The following AUTS2 variants were observed in gnomAD, a reference collection of about 807,000 sequenced individuals.
AUTS2 encodes activator of transcription and developmental regulator AUTS2.
Under a neutral mutation model 112.4 loss-of-function variants are expected in AUTS2, and 17 were observed. The observed-to-expected ratio is 0.15, with a 90% CI of 0.10 to 0.23. The LOEUF (loss-of-function observed/expected upper bound fraction) is 0.23. AUTS2 is among the 10% of genes least tolerant of loss of function. AUTS2 has a pLI of 1.00. For synonymous variants in AUTS2, 751 were observed against 702.7 expected (o/e 1.07, Z -1.09); for missense variants, 1,510 against 1,701.6 (o/e 0.89, Z 1.98).
chr7:69,932,744 G>A (rs1185244333), intron 2 of AUTS2, among the ~76,000 whole-genome samples: 1 of 152,212 alleles, frequency 6.6e-6, no homozygotes, highest in East Asian at 1.9e-4. Context: ...TAAAATGAAT[G>A]AGTTAGAACA....
chr7:69,873,292 C>A (rs930549922), intron 1 of AUTS2, among the ~76,000 whole-genome samples: 2 of 152,074 alleles, frequency 1.3e-5, no homozygotes, highest in Non-Finnish European at 2.9e-5. Context: ...GGTAGCTCTG[C>A]AGCATAGGAG....
chr7:69,967,852 C>G (rs1797694450), intron 2 of AUTS2, among the ~76,000 whole-genome samples: 1 of 152,204 alleles, frequency 6.6e-6, no homozygotes, highest in Admixed American at 6.5e-5. Flanking sequence ...CCACCTCCCT[C>G]CAGTCTTGTC....
chr7:70,547,808 G>A (rs1800852137), intron 5 of AUTS2, among the ~76,000 whole-genome samples: 1 of 151,988 alleles, frequency 6.6e-6, no homozygotes, highest in South Asian at 2.1e-4. Flanking sequence ...CATTTCTCCT[G>A]GTAGATACCT....
At chr7:70,211,783 G>C (rs1037720894) in intron 4 of AUTS2, among the ~76,000 whole-genome samples, 1 of 150,962 alleles carries the variant, frequency 6.6e-6, no homozygotes, top group Non-Finnish European at 1.5e-5. Flanking sequence ...TCAGGAGATC[G>C]AGACCATCCT....
At chr7:70,461,360 C>T (rs749029807) in intron 5 of AUTS2, among the ~76,000 whole-genome samples, 2 of 152,130 alleles carry the variant, frequency 1.3e-5, no homozygotes, top group Non-Finnish European at 2.9e-5. Flanking sequence ...AATCTTTAAA[C>T]CATCCCTTCA....
rs534214846 is a variant in AUTS2 at position 70,736,071 on chromosome 7, T to C, written c.743-26799T>C. Among the ~76,000 whole-genome samples the C allele has an allele frequency of 3.9e-5, 6 of 152,164 alleles. No homozygotes were observed. The East Asian group carries it at 7.7e-4, about 20-fold the overall frequency. The stretch of plus-strand genomic sequence containing the variant: ...GTGTGTATAACTATAACAATTAGAA[T>C]ATCATAACACTGTTAATAGACCATA... On this transcript the variant is annotated intron_variant, in intron 6 of 18. Coordinates refer to ENST00000342771, the MANE Select transcript of AUTS2 (RefSeq NM_015570.4).
At chr7:70,302,000 A>G (rs1184741801) in intron 4 of AUTS2, among the ~76,000 whole-genome samples, 1 of 151,138 alleles carries the variant, frequency 6.6e-6, no homozygotes, top group Admixed American at 6.6e-5. Context: ...CTTATCTGGA[A>G]CTCCTGAGCT....
chr7:70,646,359 T>C (rs1806159686), intron 5 of AUTS2, among the ~76,000 whole-genome samples: 1 of 152,206 alleles, frequency 6.6e-6, no homozygotes, highest in South Asian at 2.1e-4. Flanking sequence ...TCTGCCTCCG[T>C]CATGTCAGGA....
intron 4 of AUTS2, among the ~76,000 whole-genome samples, chr7:70,270,435 C>T (rs575729925): frequency 6.6e-6 from 1 of 152,182 alleles, no homozygotes; most frequent in South Asian, 2.1e-4. Flanking sequence ...ATCCTGGGAC[C>T]TTCAAGTTGA....
intron 5 of AUTS2, among the ~76,000 whole-genome samples, chr7:70,634,426 C>G (rs1489876677): frequency 6.6e-6 from 1 of 152,174 alleles, no homozygotes; most frequent in Non-Finnish European, 1.5e-5. Context: ...CCTTTCATCC[C>G]CCATTTGCTG....
intron 5 of AUTS2, among the ~76,000 whole-genome samples, chr7:70,477,488 C>G (rs1184731511): frequency 6.6e-6 from 1 of 152,160 alleles, no homozygotes; most frequent in Non-Finnish European, 1.5e-5. Context: ...AGGTTAAACT[C>G]CCTAGAAGCT....
At chr7:70,005,520 C>G (rs1055463330) in intron 2 of AUTS2, among the ~76,000 whole-genome samples, 1 of 152,150 alleles carries the variant, frequency 6.6e-6, no homozygotes, top group Non-Finnish European at 1.5e-5. Context: ...TTGTGATAGA[C>G]CAACCTCTGA....
intron 4 of AUTS2, among the ~76,000 whole-genome samples, chr7:70,349,355 A>G (rs1017056708): frequency 2.6e-5 from 4 of 152,196 alleles, no homozygotes; most frequent in African/African-American, 9.7e-5. Flanking sequence ...TAAAACCAGG[A>G]TTTAGAGATT....
intron 1 of AUTS2, among the ~76,000 whole-genome samples, chr7:69,724,647 C>T (rs568776700): frequency 5.3e-5 from 8 of 152,272 alleles, no homozygotes; most frequent in East Asian, 3.9e-4. Flanking sequence ...AAGATTTGAT[C>T]GAATGTTACT....
intron 5 of AUTS2, among the ~76,000 whole-genome samples, chr7:70,602,910 T>C (rs1803548701): frequency 6.6e-6 from 1 of 152,216 alleles, no homozygotes; most frequent in African/African-American, 2.4e-5. Context: ...TTGATGTCCT[T>C]TGAGTCCTAT....
At chr7:70,192,052 G>T (rs908234970) in intron 4 of AUTS2, among the ~76,000 whole-genome samples, 6 of 151,934 alleles carry the variant, frequency 3.9e-5, no homozygotes, top group African/African-American at 1.4e-4. Context: ...CTAACTCCTT[G>T]TTTTACCTCT....
intron 4 of AUTS2, among the ~76,000 whole-genome samples, chr7:70,204,544 G>A (rs773961489): frequency 2.6e-5 from 4 of 152,118 alleles, no homozygotes; most frequent in Non-Finnish European, 5.9e-5. Flanking sequence ...GTGCTCTATA[G>A]CTCAATAAGA....
At chr7:70,141,564 A>G (rs1329795792) in intron 4 of AUTS2, among the ~76,000 whole-genome samples, 3 of 152,182 alleles carry the variant, frequency 2.0e-5, no homozygotes, top group Non-Finnish European at 4.4e-5. Flanking sequence ...AAACATTGTC[A>G]CATTTTTTAA....
intron 4 of AUTS2, among the ~76,000 whole-genome samples, chr7:70,180,778 C>G (rs186008394): frequency 7.2e-5 from 11 of 152,336 alleles, no homozygotes; most frequent in Non-Finnish European, 1.0e-4. Context: ...CCCCTTTTTA[C>G]TGCCCTTTCT....
Sources: gnomAD v4.1 joint callset for allele counts (sites outside exome capture counted in the v4.1 genomes callset) on GRCh38, gnomAD v4.1.1 for gene constraint, MANE v1.5 for transcripts, NCBI Gene and HGNC (gene_info 2026-07-23, HGNC 2026-07-21) for gene names.